The following ARHGEF10 variants were observed in gnomAD, a reference collection of about 807,000 sequenced individuals.
ARHGEF10 encodes Rho guanine nucleotide exchange factor 10.
ARHGEF10 carries 140 observed loss-of-function variants against 147.4 expected under a neutral mutation model. That is an observed-to-expected ratio of 0.95 (90% CI 0.83 to 1.09). The LOEUF (loss-of-function observed/expected upper bound fraction) is 1.09. Among genes scored for constraint, ARHGEF10 ranks in the 50% least tolerant of loss-of-function variants. The probability of loss-of-function intolerance (pLI) is 0.00; values close to 1 mark genes in which losing one functional copy is unlikely to be tolerated. For missense variants in ARHGEF10, 2,222 were observed against 1,752.7 expected, an observed-to-expected ratio of 1.27 and a Z score of -4.78; for synonymous variants, 902 against 695.8, an observed-to-expected ratio of 1.30 and a Z score of -4.67.
At chr8:1,926,900 G>A in intron 23 of ARHGEF10, 1 of 294,144 alleles carries the variant, frequency 3.4e-6, no homozygotes, top group Non-Finnish European at 6.5e-6. Flanking sequence ...AGACGTTCCT[G>A]GTTCTTGCAA....
At chr8:1,836,584 A>G (rs1803596221) in intron 1 of ARHGEF10, among the ~76,000 whole-genome samples, 2 of 152,056 alleles carry the variant, frequency 1.3e-5, no homozygotes, top group African/African-American at 4.8e-5. Flanking sequence ...GGACACAGAT[A>G]CTTCTCACAG....
At chr8:1,911,245 C>T (rs1423076332) in intron 18 of ARHGEF10, among the ~76,000 whole-genome samples, 1 of 152,168 alleles carries the variant, frequency 6.6e-6, no homozygotes, top group African/African-American at 2.4e-5. Context: ...GACTTTGAAA[C>T]ACACTTGAAA....
chr8:1,867,351 C>T (rs1391228547), intron 6 of ARHGEF10, among the ~76,000 whole-genome samples: 1 of 152,166 alleles, frequency 6.6e-6, no homozygotes, highest in Non-Finnish European at 1.5e-5. Context: ...AATTTTTGGT[C>T]ACGTGAATGA....
At chr8:1,947,096 G>A (rs1051976336) in intron 27 of ARHGEF10, among the ~76,000 whole-genome samples, 9 of 152,250 alleles carry the variant, frequency 5.9e-5, no homozygotes, top group Non-Finnish European at 1.2e-4. Context: ...CACTGCTAGA[G>A]CAAATGTTTG....
At chr8:1,942,762 G>C (rs1310763027) in intron 26 of ARHGEF10, among the ~76,000 whole-genome samples, 2 of 152,176 alleles carry the variant, frequency 1.3e-5, no homozygotes, top group African/African-American at 4.8e-5. Context: ...CCATAGAAAG[G>C]AGTGAAGCCC....
At chr8:1,859,090 A>G (rs79106489) in intron 3 of ARHGEF10, among the ~76,000 whole-genome samples, 7 of 121,032 alleles carry the variant, frequency 5.8e-5, no homozygotes, top group East Asian at 2.8e-4. Context: ...TTCTTTGTGC[A>G]TAGTACCCGC....
At chr8:1,899,195 C>T (rs572219034) in intron 15 of ARHGEF10, among the ~76,000 whole-genome samples, 19 of 152,276 alleles carry the variant, frequency 1.2e-4, no homozygotes, top group African/African-American at 3.6e-4. Context: ...TGTGGTTGCC[C>T]GCTCGTTTTC....
intron 7 of ARHGEF10, among the ~76,000 whole-genome samples, chr8:1,874,262 C>T (rs960689804): frequency 1.3e-5 from 2 of 152,158 alleles, no homozygotes; most frequent in African/African-American, 4.8e-5. Flanking sequence ...ACCCGTTTTT[C>T]ACACATCTGA....
chr8:1,858,020 T>C lies in ARHGEF10; in HGVS notation c.98T>C (p.Phe33Ser). Residue 33 changes from phenylalanine (F) to serine (S), a missense_variant, in exon 3 of 29, where the codon TTT becomes TCT. By Grantham distance (155) the Phe-to-Ser change is radical. Coordinates refer to ENST00000349830, the MANE Select transcript of ARHGEF10 (RefSeq NM_014629.4). ...NEEEEGEQFD[F>S]DSGDEIPEAD... ...GAGGAAGAGGGAGAACAGTTCGATT[T>C]TGACAGTGGAGATGAAATCCCAGAA... 6.2e-7 allele frequency: 1 copy of C among 1,614,166 alleles called. No homozygotes were observed. Among genetic ancestry groups the C allele is most frequent in the East Asian group, 2.2e-5 (1 of 44,886 alleles).
At chr8:1,928,672 A>G in intron 24 of ARHGEF10, 22 bp downstream of exon 24, 2 of 1,612,696 alleles carry the variant, frequency 1.2e-6, no homozygotes, top group Non-Finnish European at 1.7e-6. Context: ...TCACTGCGTT[A>G]CAGAGAATTA....
rs781056827 is a variant in ARHGEF10, at chr8:1,869,321, CTATT to C, written c.679+74_679+77del. Reference sequence around the variant, plus strand: ...CCTTTCCCTCTGGATGCCAAAGTGACTATTTAGTGGACGGCCCAGACGTTTTCTG... The same window carrying C: ...CCTTTCCCTCTGGATGCCAAAGTGACTAGTGGACGGCCCAGACGTTTTCTG... On this transcript the variant is annotated intron_variant, in intron 7 of 28. Transcript: ENST00000349830. 2.3e-6 allele frequency: 3 copies of C among 1,327,520 alleles called. No individual in the cohort carries two copies. The Admixed American group carries it at 5.0e-5, about 22-fold the overall frequency. 82.2% of individuals were successfully genotyped at this position (1,327,520 alleles called of 1,614,324 possible).
At chr8:1,941,017 T>C (rs1448080185) in intron 26 of ARHGEF10, among the ~76,000 whole-genome samples, 1 of 152,208 alleles carries the variant, frequency 6.6e-6, no homozygotes. Context: ...GCTAACATCA[T>C]ACTTTATGGT....
At chr8:1,941,692 A>G (rs1224075937) in intron 26 of ARHGEF10, among the ~76,000 whole-genome samples, 1 of 152,182 alleles carries the variant, frequency 6.6e-6, no homozygotes, top group Non-Finnish European at 1.5e-5. Flanking sequence ...GGAGGCCCAC[A>G]CTTCCTAATT....
rs974561516 is a variant in ARHGEF10, at chr8:1,843,291, C to T, written c.-47-62C>T. On this transcript the variant is annotated intron_variant, in intron 1 of 28. Coordinates refer to ENST00000349830, the MANE Select transcript of ARHGEF10 (RefSeq NM_014629.4). ...GCGGGGTTCTCTGTCGACAGCCCTA[C>T]ACCTATTGAGTGCATGTTTATCCAC... 6 of 1,325,588 alleles carry T rather than the reference C, an allele frequency of 4.5e-6. No homozygotes were observed. In the African/African-American group the frequency reaches 7.2e-5, roughly 16 times the overall value. The allele number at this position is 1,325,588 out of a possible 1,614,324, so 82.1% of individuals were successfully genotyped here. A position where few individuals can be genotyped will look rare whatever the true frequency, so the allele number is the denominator to read the frequency against.
rs113206196 is a variant in ARHGEF10 at position 1,904,704 on chromosome 8, G to A, written c.1822-867G>A. On this transcript the variant is annotated intron_variant, in intron 16 of 28. Coordinates refer to ENST00000349830, the MANE Select transcript of ARHGEF10 (RefSeq NM_014629.4). ...CCTCATCGTTCCCGTGCACTTGGCA[G>A]GGACATTCAGGGAGGCGGGTGTCTC... Among the ~76,000 whole-genome samples, 865 of 152,254 alleles carry A rather than the reference G, an allele frequency of 5.7e-3. 8 individuals carry two copies. Among genetic ancestry groups the A allele is most frequent in the African/African-American group, 0.02 (826 of 41,558 alleles).
chr8:1,888,460 G>T (rs1006612551), intron 11 of ARHGEF10, among the ~76,000 whole-genome samples: 1 of 145,724 alleles, frequency 6.9e-6, no homozygotes, highest in African/African-American at 2.7e-5. Context: ...ACTGAGTGGG[G>T]TGAGGGGTAT....
intron 28 of ARHGEF10, among the ~76,000 whole-genome samples, chr8:1,954,081 C>T (rs943359398): frequency 2.6e-5 from 4 of 152,014 alleles, no homozygotes; most frequent in Non-Finnish European, 5.9e-5. Context: ...AAACAAAATG[C>T]GAAATGCTCC....
At chr8:1,896,250 C>A in intron 13 of ARHGEF10, 83 bp from the exon 14 acceptor site, 3 of 974,796 alleles carry the variant, frequency 3.1e-6, no homozygotes, top group South Asian at 1.3e-5. Flanking sequence ...ATTTTGAGGG[C>A]GAGTTTCAAA....
chr8:1,949,698 T>C (rs1448183949), intron 27 of ARHGEF10, among the ~76,000 whole-genome samples: 1 of 151,904 alleles, frequency 6.6e-6, no homozygotes, highest in East Asian at 1.9e-4. Flanking sequence ...GTGTAACTTT[T>C]CTGAAGACCA....
Sources: allele counts gnomAD v4.1 joint callset (sites outside exome capture counted in the v4.1 genomes callset), GRCh38; gene constraint gnomAD v4.1.1; transcripts MANE v1.5; gene names NCBI Gene and HGNC (gene_info 2026-07-23, HGNC 2026-07-21).